SCARA3: variants seen among roughly 807,000 people sequenced by gnomAD.
SCARA3 encodes the protein scavenger receptor class A member 3.
Under a neutral mutation model 47.0 loss-of-function variants are expected in SCARA3, and 39 were observed. The ratio of observed to expected loss-of-function variants is 0.83; its 90% CI spans 0.64 to 1.08. The LOEUF is 1.08. Among genes scored for constraint, SCARA3 ranks in the 50% least tolerant of loss-of-function variants. The pLI is 0.00. For synonymous variants in SCARA3, 356 were observed against 334.1 expected, an observed-to-expected ratio of 1.07 and a Z score of -0.71; for missense variants, 724 against 792.3, an observed-to-expected ratio of 0.91 and a Z score of 1.04.
intron 1 of SCARA3, among the ~76,000 whole-genome samples, chr8:27,639,597 CG>C (rs1174694803): frequency 6.6e-6 from 1 of 152,112 alleles, no homozygotes; most frequent in Non-Finnish European, 1.5e-5. Flanking sequence ...AAAGGACACG[CG>C]GTTGTGTCTG....
At chr8:27,642,558 C>T (rs1469409028) in intron 1 of SCARA3, among the ~76,000 whole-genome samples, 1 of 152,182 alleles carries the variant, frequency 6.6e-6, no homozygotes, top group Non-Finnish European at 1.5e-5. Context: ...CATGGTGGCT[C>T]ATGCCAGTAA....
At chr8:27,676,628 G>A, downstream of SCARA3, 1 of 1,294,772 alleles carries the variant, frequency 7.7e-7, no homozygotes, top group Non-Finnish European at 1.1e-6. Flanking sequence ...AGCCCAGGAT[G>A]ACCAAGAATA....
chr8:27,692,313 G>A, the SCARA3 span, among the ~76,000 whole-genome samples: 1 of 151,970 alleles, frequency 6.6e-6, no homozygotes, highest in Non-Finnish European at 1.5e-5. Flanking sequence ...CCAGATACTC[G>A]GGAGGCTGTG....
chr8:27,658,972 A>G lies in SCARA3; in HGVS notation c.802A>G (p.Thr268Ala). 1 of 1,613,602 alleles carries G rather than the reference A, an allele frequency of 6.2e-7. No homozygotes were observed. Among genetic ancestry groups the G allele is most frequent in the African/African-American group, 1.3e-5 (1 of 74,828 alleles). Residue 268 changes from threonine (T) to alanine (A), a missense_variant, in exon 5 of 6, where the codon ACC (threonine) becomes GCC (alanine). Transcript: ENST00000301904. Reference protein sequence around the residue: ...YTRLFSGLRTTSTKTGEAVKN... With the variant: ...YTRLFSGLRTASTKTGEAVKN... ...ACGGCTCTTCAGCGGCCTGCGCACC[A>G]CCTCCACCAAGACTGGAGAGGCGGT...
the SCARA3 span, among the ~76,000 whole-genome samples, chr8:27,696,872 G>A: frequency 6.6e-6 from 1 of 152,256 alleles, no homozygotes; most frequent in South Asian, 2.1e-4. Flanking sequence ...ATTAGTCATT[G>A]CCAGGGGCAG....
chr8:27,660,546 GAT>G (rs1801876096), intron 5 of SCARA3, among the ~76,000 whole-genome samples: 2 of 151,500 alleles, frequency 1.3e-5, no homozygotes, highest in South Asian at 4.2e-4. Flanking sequence ...TAGATAGATA[GAT>G]AGATAGATAG....
chr8:27,689,952 C>G, the SCARA3 span, among the ~76,000 whole-genome samples: 1 of 152,182 alleles, frequency 6.6e-6, no homozygotes, highest in Non-Finnish European at 1.5e-5. Flanking sequence ...AGCAAGACCT[C>G]ATCTCTACCA....
rs985085120 is a variant in SCARA3 at position 27,651,365 on chromosome 8, A to G, written c.107-143A>G. The G allele has an allele frequency of 3.1e-6, 3 of 969,160 alleles. No homozygotes were observed. The African/African-American group carries it at 4.9e-5, about 16-fold the overall frequency. 60.0% of individuals were successfully genotyped at this position (969,160 alleles called of 1,614,324 possible). ...CCTAGAGAAAGGAGGTAGGACAGGT[A>G]GAGAATGAGGGTCGAGAACAGCTCC... On this transcript the variant is annotated intron_variant, in intron 2 of 5. Transcript: ENST00000301904.
At chr8:27,657,240 T>C (rs2128920226) in intron 4 of SCARA3, among the ~76,000 whole-genome samples, 1 of 152,300 alleles carries the variant, frequency 6.6e-6, no homozygotes, top group Non-Finnish European at 1.5e-5. Flanking sequence ...TTCCTCATCA[T>C]TGCCTTAAGC....
the SCARA3 span, among the ~76,000 whole-genome samples, chr8:27,692,674 T>A: frequency 0.49 from 73,791 of 151,832 alleles, 18,206 homozygotes; most frequent in Middle Eastern, 0.61. Context: ...TAAGCCTGAT[T>A]AAAAAAAATT....
At chr8:27,689,154 G>A in the SCARA3 span, among the ~76,000 whole-genome samples, 1 of 152,108 alleles carries the variant, frequency 6.6e-6, no homozygotes, top group African/African-American at 2.4e-5. Flanking sequence ...GTGTGTCCAG[G>A]CAGCCCAAAA....
At chr8:27,703,080 G>T in the SCARA3 span, 1 of 152,356 alleles carries the variant, frequency 6.6e-6, no homozygotes, top group Non-Finnish European at 1.5e-5. Flanking sequence ...GGAACCCAGG[G>T]CCTCAAGGCT....
chr8:27,665,321 C>A (rs1801993818), intron 5 of SCARA3, among the ~76,000 whole-genome samples: 1 of 152,186 alleles, frequency 6.6e-6, no homozygotes, highest in Admixed American at 6.5e-5. Flanking sequence ...ATTCTAAGCC[C>A]CCATTTACTC....
chr8:27,721,864 T>C, the SCARA3 span, among the ~76,000 whole-genome samples: 1 of 152,066 alleles, frequency 6.6e-6, no homozygotes, highest in Non-Finnish European at 1.5e-5. Flanking sequence ...TTGGCCAAAC[T>C]CTCAAACAGG....
rs1309351928 is a variant in SCARA3, at chr8:27,658,811, A to G, written c.641A>G (p.Tyr214Cys). ...LSLKDLTQECYDVKAAVHQIN... is the reference protein window; with the variant it reads ...LSLKDLTQECCDVKAAVHQIN... ...CTGAAGGACCTCACCCAGGAGTGCT[A>G]CGATGTCAAGGCTGCAGTGCACCAG... Residue 214 changes from tyrosine to cysteine, a missense_variant, in exon 5 of 6, where the codon TAC becomes TGC. By Grantham distance (194) the Tyr-to-Cys change is radical (BLOSUM62 -2). Transcript: ENST00000301904. The G allele has an allele frequency of 1.9e-6, 3 of 1,614,138 alleles. No individual in the cohort carries two copies. The highest frequency in any genetic ancestry group is 1.6e-4 in the Middle Eastern group (1 of 6,062).
chr8:27,677,382 T>C (rs927006564), downstream of SCARA3, among the ~76,000 whole-genome samples: 1 of 152,216 alleles, frequency 6.6e-6, no homozygotes, highest in Non-Finnish European at 1.5e-5. Context: ...CTCAGATATC[T>C]GCACATACTT....
intron 3 of SCARA3, among the ~76,000 whole-genome samples, chr8:27,651,978 C>T (rs974042119): frequency 4.6e-5 from 7 of 152,184 alleles, no homozygotes; most frequent in African/African-American, 1.7e-4. Context: ...GGAATTAATT[C>T]GGTATCTTTC....
chr8:27,636,498 A>G (rs1801253535), intron 1 of SCARA3, among the ~76,000 whole-genome samples: 1 of 152,208 alleles, frequency 6.6e-6, no homozygotes, highest in Admixed American at 6.5e-5. Flanking sequence ...TAGAGAAGAA[A>G]AGAGCTGGTG....
the SCARA3 span, chr8:27,703,313 C>G: frequency 6.6e-6 from 1 of 152,476 alleles, no homozygotes; most frequent in African/African-American, 2.4e-5. Context: ...GGGATTCGTG[C>G]TGGGGGCAGC....
Sources: gnomAD v4.1 joint callset for allele counts (sites outside exome capture counted in the v4.1 genomes callset) on GRCh38, gnomAD v4.1.1 for gene constraint, MANE v1.5 for transcripts, NCBI Gene and HGNC (gene_info 2026-07-23, HGNC 2026-07-21) for gene names.